Variants in SLC25A26 observed in about 807,000 individuals in gnomAD.
SLC25A26 encodes mitochondrial S-adenosylmethionine carrier protein.
Under a neutral mutation model 37.8 loss-of-function variants are expected in SLC25A26, and 36 were observed. The observed-to-expected ratio is 0.95, with a 90% confidence interval of 0.73 to 1.26. The LOEUF is 1.26. Among genes scored for constraint, SLC25A26 ranks in the 50% most tolerant of loss-of-function variants. The pLI is 0.00. For missense variants in SLC25A26, 390 were observed against 331.1 expected, an observed-to-expected ratio of 1.18 and a Z score of -1.38; for synonymous variants, 129 against 122.5, an observed-to-expected ratio of 1.05 and a Z score of -0.35.
At chr3:66,326,579 G>A (rs1575570468) in intron 5 of SLC25A26, among the ~76,000 whole-genome samples, 1 of 152,208 alleles carries the variant, frequency 6.6e-6, no homozygotes, top group South Asian at 2.1e-4. Context: ...TGTGCTCCAC[G>A]GGAGAAGTCT....
chr3:66,233,424 G>C (rs1279344445), intron 1 of SLC25A26, among the ~76,000 whole-genome samples: 1 of 151,670 alleles, frequency 6.6e-6, no homozygotes, highest in Non-Finnish European at 1.5e-5. Context: ...AGAACTTTTC[G>C]GTATAAGCTA....
intron 5 of SLC25A26, among the ~76,000 whole-genome samples, chr3:66,283,848 C>G (rs2074423462): frequency 6.6e-6 from 1 of 152,164 alleles, no homozygotes; most frequent in Non-Finnish European, 1.5e-5. Flanking sequence ...AATATTGAGA[C>G]TTCTATCTCT....
chr3:66,294,749 C>G (rs2074838675), intron 5 of SLC25A26, among the ~76,000 whole-genome samples: 2 of 152,178 alleles, frequency 1.3e-5, no homozygotes, highest in Non-Finnish European at 2.9e-5. Context: ...CTAGTTAACA[C>G]TCTGTCTACT....
At chr3:66,251,896 T>G (rs2073099178) in intron 3 of SLC25A26, among the ~76,000 whole-genome samples, 1 of 152,238 alleles carries the variant, frequency 6.6e-6, no homozygotes, top group Non-Finnish European at 1.5e-5. Flanking sequence ...ATTGATTTTT[T>G]TATTTAGTTA....
At chr3:66,175,138 TATACACAC>T (rs1389887384) in intron 1 of SLC25A26, among the ~76,000 whole-genome samples, 10 of 64,232 alleles carry the variant, frequency 1.6e-4, no homozygotes, top group African/African-American at 7.9e-4. Context: ...TATATATATA[TATACACAC>T]ACACACACAC....
At chr3:66,208,610 A>C (rs1412933235) in intron 1 of SLC25A26, among the ~76,000 whole-genome samples, 1 of 148,690 alleles carries the variant, frequency 6.7e-6, no homozygotes, top group Non-Finnish European at 1.5e-5. Flanking sequence ...TAAACCTCAA[A>C]AAAAGTATAT....
chr3:66,160,595 A>G (rs2070343999), intron 1 of SLC25A26, among the ~76,000 whole-genome samples: 1 of 152,224 alleles, frequency 6.6e-6, no homozygotes, highest in East Asian at 1.9e-4. Flanking sequence ...TGTGTGACAA[A>G]ACTTTAATTG....
intron 1 of SLC25A26, among the ~76,000 whole-genome samples, chr3:66,201,616 G>A (rs1170916294): frequency 6.6e-6 from 1 of 152,168 alleles, no homozygotes; most frequent in East Asian, 1.9e-4. Context: ...GGTTATAGGT[G>A]TAATGATTTG....
chr3:66,160,115 G>A (rs1016680662), intron 1 of SLC25A26, among the ~76,000 whole-genome samples: 1 of 152,112 alleles, frequency 6.6e-6, no homozygotes, highest in Non-Finnish European at 1.5e-5. Context: ...TGATTCTCAT[G>A]CCTCAGCCTC....
At chr3:66,191,422 G>C (rs1187224430) in intron 1 of SLC25A26, among the ~76,000 whole-genome samples, 1 of 151,922 alleles carries the variant, frequency 6.6e-6, no homozygotes, top group Non-Finnish European at 1.5e-5. Flanking sequence ...CACAGAATCT[G>C]TATTAGCATC....
chr3:66,363,145 A>G (rs1575611374), intron 7 of SLC25A26, among the ~76,000 whole-genome samples: 1 of 152,112 alleles, frequency 6.6e-6, no homozygotes, highest in Non-Finnish European at 1.5e-5. Flanking sequence ...GTTTTTGACA[A>G]ATTTTTCTTT....
chr3:66,263,784 G>T lies in SLC25A26; in HGVS notation c.453+405G>T, dbSNP rs545707100. Reference sequence around the variant, plus strand: ...CGCCATTCTCCTGCGTCAGCCTCCCGAGTAGCTGGGACCACGGGTGCCCAC... The same window carrying T: ...CGCCATTCTCCTGCGTCAGCCTCCCTAGTAGCTGGGACCACGGGTGCCCAC... On this transcript the variant is annotated intron_variant, in intron 5 of 9. Transcript: ENST00000354883. Among the ~76,000 whole-genome samples, 9 of 152,022 alleles carry T rather than the reference G, an allele frequency of 5.9e-5. No homozygotes were observed. In the East Asian group the frequency reaches 1.2e-3, roughly 20 times the overall value.
At chr3:66,366,222 A>G (rs1211820214) in intron 7 of SLC25A26, among the ~76,000 whole-genome samples, 1 of 152,208 alleles carries the variant, frequency 6.6e-6, no homozygotes, top group Non-Finnish European at 1.5e-5. Flanking sequence ...TGCTGTACCA[A>G]ATAATTATTT....
At chr3:66,222,076 G>A (rs895457710) in intron 1 of SLC25A26, among the ~76,000 whole-genome samples, 3 of 152,088 alleles carry the variant, frequency 2.0e-5, no homozygotes, top group Non-Finnish European at 2.9e-5. Flanking sequence ...GGAATATATG[G>A]AAGTAGGGAT....
chr3:66,173,373 G>A (rs2070528434), intron 1 of SLC25A26, among the ~76,000 whole-genome samples: 1 of 152,234 alleles, frequency 6.6e-6, no homozygotes, highest in South Asian at 2.1e-4. Context: ...GAAAAATAGG[G>A]TACTGGTACC....
chr3:66,232,055 G>T (rs1182349069), intron 1 of SLC25A26, among the ~76,000 whole-genome samples: 1 of 152,140 alleles, frequency 6.6e-6, no homozygotes, highest in African/African-American at 2.4e-5. Context: ...TTACAGAAAT[G>T]CTGTAGTAGA....
At chr3:66,213,473 T>A (rs1185992058) in intron 1 of SLC25A26, among the ~76,000 whole-genome samples, 1 of 149,254 alleles carries the variant, frequency 6.7e-6, no homozygotes, top group African/African-American at 2.5e-5. Flanking sequence ...TTAATGTAAT[T>A]TTTTTTAGAG....
At chr3:66,290,089 G>A (rs1308068167) in intron 5 of SLC25A26, among the ~76,000 whole-genome samples, 3 of 152,122 alleles carry the variant, frequency 2.0e-5, no homozygotes, top group Non-Finnish European at 4.4e-5. Context: ...AATTGTGAAT[G>A]GGAATTCACT....
chr3:66,145,699 A>G (rs1389095099), intron 1 of SLC25A26, among the ~76,000 whole-genome samples: 1 of 152,234 alleles, frequency 6.6e-6, no homozygotes, highest in African/African-American at 2.4e-5. Context: ...ATGGAAATAG[A>G]AATTAGAAGG....
Sources: allele counts gnomAD v4.1 joint callset (sites outside exome capture counted in the v4.1 genomes callset), GRCh38; gene constraint gnomAD v4.1.1; transcripts MANE v1.5; gene names NCBI Gene and HGNC (gene_info 2026-07-23, HGNC 2026-07-21).